CDH24: variants seen among roughly 807,000 people sequenced by gnomAD.
CDH24 encodes cadherin 24.
CDH24 carries 61 observed loss-of-function variants against 71.2 expected under a neutral mutation model. That is an observed-to-expected ratio of 0.86 (90% CI 0.70 to 1.06). CDH24 has a LOEUF of 1.06. CDH24 is among the 50% of genes least tolerant of loss of function. CDH24 has a pLI of 0.00. For synonymous variants in CDH24, 440 were observed against 470.2 expected (o/e 0.94, Z 0.83); for missense variants, 961 against 1,083.7 (o/e 0.89, Z 1.59).
Position 23,054,142 on chromosome 14 carries a change from T to G in CDH24, c.971A>C (p.Lys324Thr). 1 of 1,592,550 alleles carries G rather than the reference T, an allele frequency of 6.3e-7. No homozygotes were observed. ...QGRDGLLTVR[K>T]PLDFESQRSY... Reference sequence around the variant, plus strand: ...AGCATTAACAGGCAGGAGGCTAACCTTGCGGACAGTGAGGAGCCCGTCTCG... The same window carrying G: ...AGCATTAACAGGCAGGAGGCTAACCGTGCGGACAGTGAGGAGCCCGTCTCG... Residue 324 changes from lysine (K) to threonine (T), a missense_variant and splice_region_variant, in exon 6 of 13, where the codon AAG becomes ACG. Coordinates refer to ENST00000487137, the MANE Select transcript of CDH24 (RefSeq NM_144985.4). The surrounding 1 kb of genome is among the most constrained non-coding windows in gnomAD (Gnocchi z 5.2).
chr14:23,049,601 G>A, intron 10 of CDH24, 26 bp downstream of exon 10: 3 of 1,324,902 alleles, frequency 2.3e-6, no homozygotes, highest in East Asian at 4.6e-5. Flanking sequence ...AGGCAGGTAT[G>A]GACATGGCTG....
Position 23,048,417 on chromosome 14 carries a change from C to T in CDH24, c.1909G>A (p.Glu637Lys), listed in dbSNP as rs2047059457. The T allele has an allele frequency of 3.7e-6, 6 of 1,612,332 alleles. No homozygotes were observed. Among genetic ancestry groups the T allele is most frequent in the Non-Finnish European group, 4.2e-6 (5 of 1,179,632 alleles). ...ATGATGTTCTCTCGGACGTCCTCCT[C>T]CTCCAGTACCATCAGTGCTTCTTGC... is the stretch of plus-strand genomic sequence containing the variant. ...QKQEALMVLE[E>K]EDVRENIITY... The change falls in exon 12 of 13, where the codon GAG becomes AAG. Residue 637 changes from glutamate to lysine, a missense_variant. Around this residue, in one of 2 missense-constraint regions of CDH24, gnomAD observed 290 missense variants for 272.8 expected, o/e 1.06. Transcript: ENST00000487137.
intron 6 of CDH24, 50 bp from the exon 7 acceptor site, chr14:23,053,799 AGGTCCCAGGCTCTT>A: frequency 6.5e-7 from 1 of 1,544,320 alleles, no homozygotes. Context: ...AAACCAGGGC[AGGTCCCAGGCTCTT>A]GGAAGGTGAC....
Position 23,049,630 on chromosome 14 carries a change from G to A in CDH24, c.1594C>T (p.Arg532Ter), listed in dbSNP as rs756882371. Residue 532 changes from arginine to a stop codon, truncating the protein, a stop_gained, in exon 10 of 13, where the codon CGA (arginine) becomes TGA (stop). Transcript: ENST00000487137. LOFTEE classifies it high-confidence loss of function. Reference protein sequence around the residue: ...PDANFTVQDNRDGSASLLLPS... With the variant: ...PDANFTVQDN The stretch of plus-strand genomic sequence containing the variant: ...ATGGCTGTAGGAGGCCACCTACCTC[G>A]GTTGTCCTGGACAGTAAAGTTGGCA... The A allele has an allele frequency of 1.3e-5, 20 of 1,537,424 alleles. No homozygotes were observed. The South Asian group carries it at 1.4e-4, about 11-fold the overall frequency.
At position 23,048,097 on chromosome 14, in the gene CDH24, CAGGGAGCTG is replaced by C; in HGVS notation, c.2220_2228del (p.Ser741_Leu743del). 7.1e-7 allele frequency: 1 copy of C among 1,417,296 alleles called. No individual in the cohort carries two copies. The highest frequency in any genetic ancestry group is 1.4e-5 in the South Asian group (1 of 69,944). The allele number at this position is 1,417,296 out of a possible 1,614,324, so 87.8% of individuals were successfully genotyped here. A position where few individuals can be genotyped will look rare whatever the true frequency, so the allele number is the denominator to read the frequency against. ...CGCCGCCGGCTTCGCTGCCGGAGCC[CAGGGAGCTG>C]AGGGAGCCGCAAGAGGAGCCGCGGC... On this transcript the variant is annotated inframe_deletion, in exon 12 of 13. Coordinates refer to ENST00000487137, the MANE Select transcript of CDH24 (RefSeq NM_144985.4).
chr14:23,052,882 T>TCTGGCC (rs1439130932), intron 7 of CDH24, among the ~76,000 whole-genome samples: 2 of 152,176 alleles, frequency 1.3e-5, no homozygotes, highest in East Asian at 3.9e-4. Flanking sequence ...ACCTTGACTC[T>TCTGGCC]CAGACTTCTG....
At chr14:23,050,696 C>T (rs1295736008) in intron 8 of CDH24, among the ~76,000 whole-genome samples, 1 of 152,194 alleles carries the variant, frequency 6.6e-6, no homozygotes, top group Non-Finnish European at 1.5e-5. Context: ...TGACTCCCTA[C>T]CACTACCCTA....
chr14:23,049,421 C>G, intron 10 of CDH24, 146 bp from the exon 11 acceptor site: 2 of 819,230 alleles, frequency 2.4e-6, no homozygotes, highest in Non-Finnish European at 3.8e-6. Flanking sequence ...TCCCATAGAG[C>G]CAGCCCATAG....
rs1204509408 is a variant in CDH24, at chr14:23,049,678, AGGAGACAT to A, written c.1538_1545del (p.His513LeufsTer8). ...GCATCAGGGCCCAGAGGACCTTGAA[AGGAGACAT>A]GGCTACTGTTGCCAACTTCATCTCT... On this transcript the variant is annotated frameshift_variant, in exon 10 of 13. Coordinates refer to ENST00000487137, the MANE Select transcript of CDH24 (RefSeq NM_144985.4). LOFTEE classifies it high-confidence loss of function. The A allele has an allele frequency of 6.2e-7, 1 of 1,610,912 alleles. No homozygotes were observed.
chr14:23,050,641 C>T (rs991330442), intron 8 of CDH24, among the ~76,000 whole-genome samples: 1 of 152,146 alleles, frequency 6.6e-6, no homozygotes, highest in African/African-American at 2.4e-5. Flanking sequence ...AGCCTGGGTA[C>T]CACAGCCAGA....
chr14:23,048,456 G>C lies in CDH24; in HGVS notation c.1870C>G (p.Leu624Val). ...AGTGCTTCTTGCTTCTGCCGCCGCA[G>C]GGCCACGAAGAGCACCACCAGGGCT... is the stretch of plus-strand genomic sequence containing the variant. The part of the protein sequence containing the change: ...LLALVVLFVA[L>V]RRQKQEALMV... The change falls in exon 12 of 13, where the codon CTG becomes GTG. Residue 624 changes from leucine to valine, a missense_variant. Physicochemically the swap from Leu to Val is conservative, Grantham distance 32 (BLOSUM62 1). Around this residue, in one of 2 missense-constraint regions of CDH24, gnomAD observed 290 missense variants for 272.8 expected, o/e 1.06. Transcript: ENST00000487137. 6.2e-7 allele frequency: 1 copy of C among 1,609,378 alleles called. No homozygotes were observed. Among genetic ancestry groups the C allele is most frequent in the Non-Finnish European group, 8.5e-7 (1 of 1,179,532 alleles).
chr14:23,053,618 G>A lies in CDH24; in HGVS notation c.1104C>T (p.Ala368=), dbSNP rs1245697261. 11 of 1,613,550 alleles carry A rather than the reference G, an allele frequency of 6.8e-6. No individual in the cohort carries two copies. Among genetic ancestry groups the A allele is most frequent in the Non-Finnish European group, 9.3e-6 (11 of 1,179,814 alleles). The change falls in exon 7 of 13, where the codon GCC becomes GCT. Residue 368 remains alanine, a synonymous_variant. Coordinates refer to ENST00000487137, the MANE Select transcript of CDH24 (RefSeq NM_144985.4). ...CCTGGGTGAAGGCAGGTGGCTCTGG[G>A]GCATCTTGCACTGCCACACGCACAG... is the stretch of plus-strand genomic sequence containing the variant. ...VASVRVAVQD[A]PEPPAFTQAA...
At chr14:23,056,965 AAGGCGGGATGAGG>A (rs148091044) in intron 1 of CDH24, among the ~76,000 whole-genome samples, 32,816 of 151,486 alleles carry the variant, frequency 0.22, 3,682 homozygotes, top group South Asian at 0.34. Flanking sequence ...GACCAGAGAG[AAGGCGGGATGAGG>A]AGGCGAGAAG....
rs765849346 is a variant in CDH24 at position 23,049,970 on chromosome 14, C to T, written c.1364-27G>A. The T allele has an allele frequency of 3.7e-5, 60 of 1,604,928 alleles. 1 individual carries two copies. The highest frequency in any genetic ancestry group is 3.2e-4 in the South Asian group (29 of 90,786). On this transcript the variant is annotated intron_variant, in intron 8 of 12. Transcript: ENST00000487137. The stretch of plus-strand genomic sequence containing the variant: ...TGAAGGCAGAACACCAAAACATACA[C>T]GCCACACACACACCACACAGTTTAC...
rs1248573452 is a variant in CDH24 at position 23,048,034 on chromosome 14, C to A, written c.2292G>T (p.Pro764=). 6.9e-7 allele frequency: 1 copy of A among 1,448,438 alleles called. No individual in the cohort carries two copies. Among genetic ancestry groups the A allele is most frequent in the South Asian group, 1.3e-5 (1 of 76,018 alleles). 89.7% of individuals were successfully genotyped at this position (1,448,438 alleles called of 1,614,324 possible). ...GPAEPLDDWG[P]LFRTLAELYG... ...ACAGCTCGGCCAGGGTGCGGAAGAG[C>A]GGACCCCAGTCGTCCAGCGGCTCCG... Residue 764 remains proline (P), a synonymous_variant, in exon 12 of 13, where the codon CCG becomes CCT. Transcript: ENST00000487137.
In CDH24 at chr14:23,047,932, C is replaced by T. The variant is rs2047052455; in HGVS notation, c.*48G>A. Reference sequence around the variant, plus strand: ...ACCCCGTGGGGCTCACTCAGAGGGCCTGTGCCCGCTGCCCCCCCCCCGCGG... The same window carrying T: ...ACCCCGTGGGGCTCACTCAGAGGGCTTGTGCCCGCTGCCCCCCCCCCGCGG... On this transcript the variant is annotated 3_prime_UTR_variant, in exon 12 of 13. Coordinates refer to ENST00000487137, the MANE Select transcript of CDH24 (RefSeq NM_144985.4). 2 of 1,275,104 alleles carry T rather than the reference C, an allele frequency of 1.6e-6. No individual in the cohort carries two copies. 79.0% of individuals were successfully genotyped at this position (1,275,104 alleles called of 1,614,324 possible).
At position 23,051,615 on chromosome 14, in the gene CDH24, C is replaced by T. The variant is rs1434177665; in HGVS notation, c.1363+858G>A. Among the ~76,000 whole-genome samples the T allele has an allele frequency of 1.3e-5, 2 of 152,112 alleles. No homozygotes were observed. Among genetic ancestry groups the T allele is most frequent in the African/African-American group, 4.8e-5 (2 of 41,402 alleles). On this transcript the variant is annotated intron_variant, in intron 8 of 12. Transcript: ENST00000487137. The surrounding 1 kb of genome is among the most constrained non-coding windows in gnomAD (Gnocchi z 4.4). Reference sequence around the variant, plus strand: ...CATATATATCCATTACAGATATATACCCACAAATATATATTTGTGTATATC... The same window carrying T: ...CATATATATCCATTACAGATATATATCCACAAATATATATTTGTGTATATC...
In CDH24 at chr14:23,049,246, G is replaced by A. The variant is rs754898378; in HGVS notation, c.1627C>T (p.Arg543Cys). Reference sequence around the variant, plus strand: ...GGGGCATGGCGGGGTGGAGCAGGGCGGGAGGGCAGCAGCAGGCTGGCGGAG... The same window carrying A: ...GGGGCATGGCGGGGTGGAGCAGGGCAGGAGGGCAGCAGCAGGCTGGCGGAG... ...DGSASLLLPS[R>C]PAPPRHAPYL... The change falls in exon 11 of 13, where the codon CGC becomes TGC. Residue 543 changes from arginine (R) to cysteine (C), a missense_variant. Physicochemically the swap from Arg to Cys is radical, Grantham distance 180 (BLOSUM62 -3). Around this residue, in one of 2 missense-constraint regions of CDH24, gnomAD observed 671 missense variants for 810.9 expected, o/e 0.83. Transcript: ENST00000487137. The A allele has an allele frequency of 6.3e-6, 10 of 1,577,746 alleles. No homozygotes were observed. Among genetic ancestry groups the A allele is most frequent in the East Asian group, 4.6e-5 (2 of 43,464 alleles).
Position 23,047,832 on chromosome 14 carries a change from T to C in CDH24, c.*148A>G. On this transcript the variant is annotated 3_prime_UTR_variant, in exon 12 of 13. Coordinates refer to ENST00000487137, the MANE Select transcript of CDH24 (RefSeq NM_144985.4). Reference sequence around the variant, plus strand: ...AGGAGGAGGGAGGTGAGAGCGAGGGTGCCCCGGGGAAGCAAGGAGGGACAC... The same window carrying C: ...AGGAGGAGGGAGGTGAGAGCGAGGGCGCCCCGGGGAAGCAAGGAGGGACAC... 2 of 440,010 alleles carry C rather than the reference T, an allele frequency of 4.5e-6. 1 individual carries two copies. The highest frequency in any genetic ancestry group is 7.5e-6 in the Non-Finnish European group (2 of 267,006). 27.3% of individuals were successfully genotyped at this position (440,010 alleles called of 1,614,324 possible).
Sources: gnomAD v4.1 joint callset for allele counts (sites outside exome capture counted in the v4.1 genomes callset) on GRCh38, gnomAD v4.1.1 for gene constraint, gnomAD v4.1.1 regional missense constraint, Gnocchi (gnomAD v3.1) non-coding constraint, MANE v1.5 for transcripts, NCBI Gene and HGNC (gene_info 2026-07-23, HGNC 2026-07-21) for gene names.